CEP112: variants seen among roughly 807,000 people sequenced by gnomAD.
CEP112 encodes the protein centrosomal protein 112.
CEP112 carries 127 observed loss-of-function variants against 153.0 expected under a neutral mutation model. That is an observed-to-expected ratio of 0.83 (90% CI 0.72 to 0.96). CEP112 has a LOEUF of 0.96. Among genes scored for constraint, CEP112 ranks in the 40% least tolerant of loss-of-function variants. CEP112 has a pLI of 0.00. For missense variants in CEP112, 1,089 were observed against 1,101.2 expected (o/e 0.99, Z 0.16); for synonymous variants, 358 against 374.4 (o/e 0.96, Z 0.51).
chr17:66,091,914 TTAGA>T (rs1376118964), intron 8 of CEP112, among the ~76,000 whole-genome samples: 1 of 151,958 alleles, frequency 6.6e-6, no homozygotes, highest in Non-Finnish European at 1.5e-5. Flanking sequence ...CGTCAACAAA[TTAGA>T]TAGCCTACAA....
At chr17:65,907,542 T>C (rs150935100) in intron 19 of CEP112, among the ~76,000 whole-genome samples, 91 of 152,286 alleles carry the variant, frequency 6.0e-4, no homozygotes, top group African/African-American at 2.1e-3. Context: ...GCTTGTCTGC[T>C]AAGTCCAACA....
At chr17:66,014,108 G>T (rs764056183) in intron 16 of CEP112, among the ~76,000 whole-genome samples, 1 of 152,216 alleles carries the variant, frequency 6.6e-6, no homozygotes, top group Admixed American at 6.5e-5. Flanking sequence ...GAAGGGCAAG[G>T]TTCACCCATG....
At chr17:66,142,350 A>G (rs1216722394) in intron 4 of CEP112, among the ~76,000 whole-genome samples, 2 of 152,142 alleles carry the variant, frequency 1.3e-5, no homozygotes, top group Non-Finnish European at 2.9e-5. Flanking sequence ...GAGATTTTTA[A>G]GTTGATAAAA....
intron 20 of CEP112, among the ~76,000 whole-genome samples, chr17:65,877,248 C>T (rs1474593556): frequency 1.3e-5 from 2 of 152,210 alleles, no homozygotes; most frequent in African/African-American, 2.4e-5. Context: ...CCAGGAAGTA[C>T]AGGAAGAGGC....
chr17:66,052,166 G>T (rs140056895), intron 12 of CEP112, among the ~76,000 whole-genome samples: 1 of 152,134 alleles, frequency 6.6e-6, no homozygotes, highest in Non-Finnish European at 1.5e-5. Flanking sequence ...CTTTACGACA[G>T]TGCAAAAGCA....
chr17:65,720,426 TC>T (rs944300694), intron 23 of CEP112, among the ~76,000 whole-genome samples: 5 of 152,132 alleles, frequency 3.3e-5, no homozygotes, highest in African/African-American at 1.2e-4. Flanking sequence ...CAACAGGGTT[TC>T]AAGGCAAGAG....
intron 12 of CEP112, among the ~76,000 whole-genome samples, chr17:66,052,424 G>T (rs2066481265): frequency 6.6e-6 from 1 of 152,154 alleles, no homozygotes; most frequent in Non-Finnish European, 1.5e-5. Context: ...ACTGTTCCAG[G>T]CTTATGGATC....
At chr17:65,891,661 A>G (rs1239473363) in intron 20 of CEP112, among the ~76,000 whole-genome samples, 1 of 152,186 alleles carries the variant, frequency 6.6e-6, no homozygotes, top group Non-Finnish European at 1.5e-5. Flanking sequence ...CTTACTGCTT[A>G]CAGCCTCTGT....
chr17:66,028,984 C>A, intron 14 of CEP112, 139 bp downstream of exon 14: 2 of 649,960 alleles, frequency 3.1e-6, no homozygotes, highest in Admixed American at 2.9e-5. Context: ...AGTAAAAATT[C>A]CTGAAGTTCC....
chr17:65,712,175 T>C (rs1317815436), intron 23 of CEP112, among the ~76,000 whole-genome samples: 2 of 152,144 alleles, frequency 1.3e-5, no homozygotes, highest in Non-Finnish European at 2.9e-5. Flanking sequence ...CCTCTGTTCA[T>C]TTAATGGATA....
chr17:65,711,738 C>T (rs894035409), intron 23 of CEP112, among the ~76,000 whole-genome samples: 2 of 152,088 alleles, frequency 1.3e-5, no homozygotes, highest in African/African-American at 4.8e-5. Context: ...TCTCCCCCTG[C>T]TATAGTCACA....
At chr17:65,699,197 T>C (rs1182524997) in intron 23 of CEP112, among the ~76,000 whole-genome samples, 2 of 152,266 alleles carry the variant, frequency 1.3e-5, no homozygotes, top group African/African-American at 4.8e-5. Context: ...CAGCGGCCTT[T>C]GCCCCTCCAT....
intron 24 of CEP112, among the ~76,000 whole-genome samples, chr17:65,677,557 G>GA (rs1361946297): frequency 6.6e-6 from 1 of 152,126 alleles, no homozygotes; most frequent in Non-Finnish European, 1.5e-5. Context: ...CTGTTGCATT[G>GA]AAAAATCAAC....
chr17:65,912,040 G>T (rs1234610460), intron 19 of CEP112, among the ~76,000 whole-genome samples: 1 of 152,160 alleles, frequency 6.6e-6, no homozygotes, highest in East Asian at 1.9e-4. Flanking sequence ...AAACAAACGG[G>T]TTCTGGGTCT....
chr17:66,038,355 T>C (rs2065831343), intron 12 of CEP112, among the ~76,000 whole-genome samples: 1 of 152,154 alleles, frequency 6.6e-6, no homozygotes, highest in South Asian at 2.1e-4. Context: ...ATTCATTTTA[T>C]TTTTGATTTT....
intron 4 of CEP112, among the ~76,000 whole-genome samples, chr17:66,167,235 G>A (rs117954738): frequency 0.034 from 5,179 of 152,142 alleles, 131 homozygotes; most frequent in Middle Eastern, 0.061. Flanking sequence ...TAGTAATTAG[G>A]GAAGCAAAAG....
chr17:65,988,233 T>C (rs1434415473), intron 17 of CEP112, among the ~76,000 whole-genome samples: 1 of 152,154 alleles, frequency 6.6e-6, no homozygotes, highest in African/African-American at 2.4e-5. Flanking sequence ...GGCAGTGATC[T>C]AGCGAGATAA....
chr17:65,820,814 T>C (rs1186837373), intron 21 of CEP112, among the ~76,000 whole-genome samples: 1 of 152,168 alleles, frequency 6.6e-6, no homozygotes, highest in East Asian at 1.9e-4. Context: ...TTGAAAACTG[T>C]TAGAATTCCG....
intron 17 of CEP112, among the ~76,000 whole-genome samples, chr17:65,970,151 T>A (rs2062618377): frequency 6.6e-6 from 1 of 152,194 alleles, no homozygotes; most frequent in Non-Finnish European, 1.5e-5. Flanking sequence ...ATTTTGCATG[T>A]GTATAGCAAA....
Sources: gnomAD v4.1 joint callset for allele counts (sites outside exome capture counted in the v4.1 genomes callset) on GRCh38, gnomAD v4.1.1 for gene constraint, MANE v1.5 for transcripts, NCBI Gene and HGNC (gene_info 2026-07-23, HGNC 2026-07-21) for gene names.